PRADC1: variants seen among roughly 807,000 people sequenced by gnomAD.
PRADC1 encodes the protein protease associated domain containing 1.
In PRADC1, 23 loss-of-function variants were observed where a neutral mutation model predicts 22.9. The ratio of observed to expected loss-of-function variants is 1.00; its 90% confidence interval spans 0.72 to 1.42. The LOEUF (loss-of-function observed/expected upper bound fraction) is 1.42, where lower values mean the gene tolerates loss of function less well. PRADC1 is among the 40% of genes most tolerant of loss of function. The pLI is 0.00. For missense variants in PRADC1, 207 were observed against 258.3 expected, an observed-to-expected ratio of 0.80 and a Z score of 1.36; for synonymous variants, 71 against 100.3, an observed-to-expected ratio of 0.71 and a Z score of 1.75.
chr2:73,232,483 C>G (rs927570068), intron 1 of PRADC1, among the ~76,000 whole-genome samples: 2 of 152,200 alleles, frequency 1.3e-5, no homozygotes, highest in African/African-American at 2.4e-5. Flanking sequence ...TCAGTTAGAG[C>G]TCCCATGGCT....
chr2:73,228,906 A>ACCGC lies in PRADC1; in HGVS notation c.331_334dup (p.Val112GlyfsTer6), dbSNP rs1056632589. 6.2e-7 allele frequency: 1 copy of ACCGC among 1,613,436 alleles called. No individual in the cohort carries two copies. Among genetic ancestry groups the ACCGC allele is most frequent in the Non-Finnish European group, 8.5e-7 (1 of 1,179,890 alleles). On this transcript the variant is annotated frameshift_variant, in exon 4 of 5. Coordinates refer to ENST00000258083, the MANE Select transcript of PRADC1 (RefSeq NM_032319.3). LOFTEE classifies it high-confidence loss of function. This position sits in a 1 kb window ranked among gnomAD's most constrained non-coding sequence, Gnocchi z 4.0. The stretch of plus-strand genomic sequence containing the variant: ...GTCAACTGCGTTGTCAGAGATGATC[A>ACCGC]CCGCCCGCCCGCCGTGCTCCTGGAC...
In PRADC1 at chr2:73,228,813, A is replaced by G; in HGVS notation, c.428T>C (p.Phe143Ser). 6.2e-7 allele frequency: 1 copy of G among 1,612,180 alleles called. No individual in the cohort carries two copies. Among genetic ancestry groups the G allele is most frequent in the Non-Finnish European group, 8.5e-7 (1 of 1,179,140 alleles). The change falls in exon 4 of 5, where the codon TTC (phenylalanine) becomes TCC (serine). Residue 143 changes from phenylalanine (F) to serine (S), a missense_variant. Coordinates refer to ENST00000258083, the MANE Select transcript of PRADC1 (RefSeq NM_032319.3). This position sits in a 1 kb window ranked among gnomAD's most constrained non-coding sequence, Gnocchi z 4.0. ...TQRTADIPAL[F>S]LLGRDGYMIR... The stretch of plus-strand genomic sequence containing the variant: ...CCCTCACCCGTCTCGGCCGAGCAGG[A>G]AGAGGGCGGGGATGTCAGCTGTGCG...
chr2:73,230,034 G>C lies in PRADC1; in HGVS notation c.168+79C>G, dbSNP rs933558940. On this transcript the variant is annotated intron_variant, in intron 2 of 4. Coordinates refer to ENST00000258083, the MANE Select transcript of PRADC1 (RefSeq NM_032319.3). The stretch of plus-strand genomic sequence containing the variant: ...CCCTTCCCTGTCCCAGCACTCAGGT[G>C]GGATGAGAGGGTCACTGCAGCTCAG... 10 of 974,224 alleles carry C rather than the reference G, an allele frequency of 1.0e-5. No individual in the cohort carries two copies. The African/African-American group carries it at 1.3e-4, about 12-fold the overall frequency. 60.3% of individuals were successfully genotyped at this position (974,224 alleles called of 1,614,324 possible). A position where few individuals can be genotyped will look rare whatever the true frequency, so the allele number is the denominator to read the frequency against.
chr2:73,232,998 G>A (rs1686692380), intron 1 of PRADC1, 96 bp downstream of exon 1: 6 of 1,407,252 alleles, frequency 4.3e-6, no homozygotes, highest in Non-Finnish European at 2.9e-6. Flanking sequence ...TGAACTCGCA[G>A]GGTCCCCAAG....
In PRADC1 at chr2:73,228,832, C is replaced by T. The variant is rs1449107686; in HGVS notation, c.409G>A (p.Ala137Thr). 10 of 1,612,988 alleles carry T rather than the reference C, an allele frequency of 6.2e-6. No individual in the cohort carries two copies. Among genetic ancestry groups the T allele is most frequent in the Non-Finnish European group, 7.6e-6 (9 of 1,179,912 alleles). ...AGCAGGAAGAGGGCGGGGATGTCAGCTGTGCGCTGGGTACTGTCCTGGATC... is the reference window on the plus strand; with the variant it reads ...AGCAGGAAGAGGGCGGGGATGTCAGTTGTGCGCTGGGTACTGTCCTGGATC... ...EMIQDSTQRT[A>T]DIPALFLLGR... The change falls in exon 4 of 5, where the codon GCT (alanine) becomes ACT (threonine). Residue 137 changes from alanine to threonine, a missense_variant. Transcript: ENST00000258083. This position sits in a 1 kb window ranked among gnomAD's most constrained non-coding sequence, Gnocchi z 4.0.
chr2:73,233,197 C>G lies in PRADC1; in HGVS notation c.-37G>C. ...GGCCCGGCCCGGCGCCGCGTTTCCT[C>G]TCGCCGCCCCGCCGCGCGTCGCTCG... On this transcript the variant is annotated 5_prime_UTR_variant, in exon 1 of 5. Transcript: ENST00000258083. 2 of 1,291,946 alleles carry G rather than the reference C, an allele frequency of 1.5e-6. No homozygotes were observed. The highest frequency in any genetic ancestry group is 2.0e-6 in the Non-Finnish European group (2 of 1,000,642). The allele number at this position is 1,291,946 out of a possible 1,614,324, so 80.0% of individuals were successfully genotyped here. A position where few individuals can be genotyped will look rare whatever the true frequency, so the allele number is the denominator to read the frequency against.
Position 73,228,384 on chromosome 2 carries a change from G to A in PRADC1, c.*70C>T. 6.3e-7 allele frequency: 1 copy of A among 1,591,292 alleles called. No homozygotes were observed. The highest frequency in any genetic ancestry group is 8.6e-7 in the Non-Finnish European group (1 of 1,166,482). On this transcript the variant is annotated 3_prime_UTR_variant, in exon 5 of 5. Transcript: ENST00000258083. The surrounding 1 kb of genome is among the most constrained non-coding windows in gnomAD (Gnocchi z 4.0). ...CCCAGATGCTATCTCCAAATTCCAA[G>A]TAGCAAAATTCCTGGGTTTCCCCTT...
chr2:73,230,201 T>C lies in PRADC1; in HGVS notation c.80A>G (p.His27Arg), dbSNP rs1686609989. The change falls in exon 2 of 5, where the codon CAT (histidine) becomes CGT (arginine). Residue 27 changes from histidine (H) to arginine (R), a missense_variant. Physicochemically the swap from His to Arg is conservative, Grantham distance 29 (BLOSUM62 0). Transcript: ENST00000258083. ...CAGCACTTGAAAGTACAAATAATCATGGATACGGAAGCCTGAAGGATAAAG... is the reference window on the plus strand; with the variant it reads ...CAGCACTTGAAAGTACAAATAATCACGGATACGGAAGCCTGAAGGATAAAG... Reference protein sequence around the residue: ...ACVAAHGFRIHDYLYFQVLSP... With the variant: ...ACVAAHGFRIRDYLYFQVLSP... 6.2e-7 allele frequency: 1 copy of C among 1,613,320 alleles called. No homozygotes were observed. The highest frequency in any genetic ancestry group is 8.5e-7 in the Non-Finnish European group (1 of 1,179,212).
intron 1 of PRADC1, among the ~76,000 whole-genome samples, chr2:73,231,151 G>A (rs1437238360): frequency 6.6e-6 from 1 of 152,124 alleles, no homozygotes. Flanking sequence ...ACGGAGTCTC[G>A]CTCTGTCACC....
chr2:73,231,734 C>A (rs1215675358), intron 1 of PRADC1, among the ~76,000 whole-genome samples: 1 of 152,080 alleles, frequency 6.6e-6, no homozygotes, highest in Non-Finnish European at 1.5e-5. Flanking sequence ...GGATTACAGG[C>A]GTGAGCCACC....
Position 73,229,566 on chromosome 2 carries a change from G to A in PRADC1, c.173C>T (p.Thr58Ile), listed in dbSNP as rs1212086656. 2.5e-6 allele frequency: 4 copies of A among 1,613,144 alleles called. No individual in the cohort carries two copies. The highest frequency in any genetic ancestry group is 3.4e-6 in the Non-Finnish European group (4 of 1,179,324). Residue 58 changes from threonine (T) to isoleucine (I), a missense_variant, in exon 3 of 5, where the codon ACA becomes ATA. Transcript: ENST00000258083. ...PAKDFGGIFH[T>I]RYEQIHLVPA... Reference sequence around the variant, plus strand: ...GACAAGGTGAATCTGCTCATACCTTGTGTGCTGAAAAACATTTAACATTTG... The same window carrying A: ...GACAAGGTGAATCTGCTCATACCTTATGTGCTGAAAAACATTTAACATTTG...
chr2:73,232,790 T>C (rs1281806757), intron 1 of PRADC1, among the ~76,000 whole-genome samples: 1 of 152,200 alleles, frequency 6.6e-6, no homozygotes, highest in African/African-American at 2.4e-5. Context: ...GCCTGTAGTA[T>C]CCTTCCTTAG....
intron 1 of PRADC1, among the ~76,000 whole-genome samples, chr2:73,231,107 G>A (rs558277246): frequency 6.6e-6 from 1 of 152,316 alleles, no homozygotes; most frequent in South Asian, 2.1e-4. Flanking sequence ...TAATTATACA[G>A]CTTTCATAAC....
chr2:73,233,094 C>T lies in PRADC1; in HGVS notation c.67G>A (p.Gly23Ser). 1 of 1,541,294 alleles carries T rather than the reference C, an allele frequency of 6.5e-7. No individual in the cohort carries two copies. Among genetic ancestry groups the T allele is most frequent in the Non-Finnish European group, 8.7e-7 (1 of 1,152,698 alleles). Residue 23 changes from glycine to serine, a missense_variant and splice_region_variant, in exon 1 of 5, where the codon GGC becomes AGC. Coordinates refer to ENST00000258083, the MANE Select transcript of PRADC1 (RefSeq NM_032319.3). Reference protein sequence around the residue: ...LWLPACVAAHGFRIHDYLYFQ... With the variant: ...LWLPACVAAHSFRIHDYLYFQ... ...CGCAGTCCCACCCGTTGCCGCTCAC[C>T]GTGGGCCGCGACGCACGCGGGGAGC...
At chr2:73,233,053 C>A in intron 1 of PRADC1, 41 bp downstream of exon 1, 1 of 1,523,126 alleles carries the variant, frequency 6.6e-7, no homozygotes, top group Non-Finnish European at 8.8e-7. Context: ...GCTGGACGGC[C>A]AGCCCCGCCC....
chr2:73,232,336 CAAAAAAAA>C (rs70965721), intron 1 of PRADC1, among the ~76,000 whole-genome samples: 2 of 129,128 alleles, frequency 1.5e-5, no homozygotes, highest in African/African-American at 5.6e-5. Flanking sequence ...GACTCCGTCT[CAAAAAAAA>C]AAAAAAGAAA....
chr2:73,229,048 G>A, intron 3 of PRADC1, 86 bp from the exon 4 acceptor site: 1 of 1,183,430 alleles, frequency 8.5e-7, no homozygotes, highest in Non-Finnish European at 1.2e-6. Flanking sequence ...ATAGAAGGCA[G>A]ACTATGAAGA....
In PRADC1 at chr2:73,228,340, C is replaced by T. The variant is rs1462884978; in HGVS notation, c.*114G>A. The T allele has an allele frequency of 3.7e-6, 5 of 1,368,022 alleles. No individual in the cohort carries two copies. Among genetic ancestry groups the T allele is most frequent in the Non-Finnish European group, 5.0e-6 (5 of 991,172 alleles). 84.7% of individuals were successfully genotyped at this position (1,368,022 alleles called of 1,614,324 possible). A position where few individuals can be genotyped will look rare whatever the true frequency, so the allele number is the denominator to read the frequency against. ...CTAGCAACGCCCAAACCCTTTTCCT[C>T]TACCTGGCTCCACTTGTCCCCAGAT... On this transcript the variant is annotated 3_prime_UTR_variant, in exon 5 of 5. Transcript: ENST00000258083. This position sits in a 1 kb window ranked among gnomAD's most constrained non-coding sequence, Gnocchi z 4.0.
At chr2:73,229,937 TATACTC>T (rs1380638360) in intron 2 of PRADC1, 170 bp downstream of exon 2, 3 of 608,972 alleles carry the variant, frequency 4.9e-6, no homozygotes, top group Admixed American at 2.9e-5. Flanking sequence ...AGGTTTATAT[TATACTC>T]AGGGGAGTAG....
Sources: allele counts gnomAD v4.1 joint callset (sites outside exome capture counted in the v4.1 genomes callset), GRCh38; gene constraint gnomAD v4.1.1; non-coding constraint Gnocchi (gnomAD v3.1); transcripts MANE v1.5; gene names NCBI Gene and HGNC (gene_info 2026-07-23, HGNC 2026-07-21).